Variants in RGS7BP observed in about 807,000 individuals in gnomAD.
The protein encoded by RGS7BP is regulator of G protein signaling 7-binding protein.
Under a neutral mutation model 31.3 loss-of-function variants are expected in RGS7BP, and 9 were observed. The ratio of observed to expected loss-of-function variants is 0.29; its 90% CI spans 0.17 to 0.50. The LOEUF (loss-of-function observed/expected upper bound fraction) is 0.50, where lower values mean the gene tolerates loss of function less well. Ranked by LOEUF, RGS7BP falls within the 20% of genes least tolerant of loss-of-function variation. RGS7BP has a pLI of 0.98. For missense variants in RGS7BP, 274 were observed against 322.0 expected (o/e 0.85, Z 1.14); for synonymous variants, 115 against 120.1 (o/e 0.96, Z 0.28).
At chr5:64,529,005 A>G (rs1200820014) in intron 2 of RGS7BP, among the ~76,000 whole-genome samples, 2 of 152,080 alleles carry the variant, frequency 1.3e-5, no homozygotes, top group African/African-American at 4.8e-5. Flanking sequence ...AACCAAAAAT[A>G]CTTGCGGCAT....
rs1250065124 is a variant in RGS7BP, at chr5:64,610,620, T to C, written c.*1368T>C. Reference sequence around the variant, plus strand: ...TAGTCCCAACCCTGTTCTTTACCAATACTTATGTGCACAGGCATTTATATG... The same window carrying C: ...TAGTCCCAACCCTGTTCTTTACCAACACTTATGTGCACAGGCATTTATATG... On this transcript the variant is annotated 3_prime_UTR_variant, in exon 6 of 6. Transcript: ENST00000334025. The C allele has an allele frequency of 6.6e-6, 1 of 151,986 alleles. No individual in the cohort carries two copies. The highest frequency in any genetic ancestry group is 1.5e-5 in the Non-Finnish European group (1 of 67,926). 9.4% of individuals were successfully genotyped at this position (151,986 alleles called of 1,614,324 possible).
At chr5:64,540,989 G>A (rs1237116357) in intron 2 of RGS7BP, among the ~76,000 whole-genome samples, 1 of 152,140 alleles carries the variant, frequency 6.6e-6, no homozygotes, top group Non-Finnish European at 1.5e-5. Flanking sequence ...TGGCATGAAC[G>A]CTTTGGTGGG....
At chr5:64,514,806 A>T (rs1172557312) in intron 2 of RGS7BP, among the ~76,000 whole-genome samples, 2 of 152,170 alleles carry the variant, frequency 1.3e-5, no homozygotes, top group Non-Finnish European at 2.9e-5. Context: ...GACCATAAGC[A>T]TACTCTGGAG....
At chr5:64,573,358 T>G (rs1283011062) in intron 2 of RGS7BP, among the ~76,000 whole-genome samples, 1 of 152,158 alleles carries the variant, frequency 6.6e-6, no homozygotes, top group Non-Finnish European at 1.5e-5. Flanking sequence ...TAGTCATTTG[T>G]TTAAATTACA....
intron 5 of RGS7BP, among the ~76,000 whole-genome samples, chr5:64,602,972 G>A (rs917595063): frequency 7.2e-5 from 11 of 152,176 alleles, no homozygotes; most frequent in African/African-American, 2.7e-4. Context: ...AGGCATATGG[G>A]GAGATGAAAT....
chr5:64,537,736 G>T (rs757370003), intron 2 of RGS7BP, among the ~76,000 whole-genome samples: 1 of 152,192 alleles, frequency 6.6e-6, no homozygotes, highest in Non-Finnish European at 1.5e-5. Context: ...CATGATTTTA[G>T]TGTTAGACTC....
In RGS7BP at chr5:64,601,494, G is replaced by A. The variant is rs138413102; in HGVS notation, c.682+3059G>A. On this transcript the variant is annotated intron_variant, in intron 5 of 5. Transcript: ENST00000334025. ...CCAAGGGCAGGAATTTTAATGGTTA[G>A]TGATTATGCCTTCATTTTCAGCCTT... The A allele has an allele frequency of 3.2e-3, 2,946 of 906,520 alleles. 7 individuals carry two copies. The highest frequency in any genetic ancestry group is 8.1e-3 in the Middle Eastern group (14 of 1,738). The allele number at this position is 906,520 out of a possible 1,614,324, so 56.2% of individuals were successfully genotyped here. A position where few individuals can be genotyped will look rare whatever the true frequency, so the allele number is the denominator to read the frequency against.
intron 2 of RGS7BP, among the ~76,000 whole-genome samples, chr5:64,519,030 T>C (rs754418668): frequency 3.3e-5 from 5 of 152,170 alleles, no homozygotes; most frequent in Non-Finnish European, 7.3e-5. Flanking sequence ...TGATCTGATT[T>C]GCATACATCT....
At chr5:64,595,100 C>T (rs1393461477) in intron 4 of RGS7BP, among the ~76,000 whole-genome samples, 1 of 152,174 alleles carries the variant, frequency 6.6e-6, no homozygotes, top group Admixed American at 6.5e-5. Flanking sequence ...ACAGTAGGCA[C>T]AGGCTCCCAG....
At chr5:64,589,924 CA>C (rs77321289) in intron 3 of RGS7BP, among the ~76,000 whole-genome samples, 25,506 of 104,234 alleles carry the variant, frequency 0.24, 2,120 homozygotes, top group Admixed American at 0.3. Flanking sequence ...GACCCTGACT[CA>C]AAAAAAAAAA....
At chr5:64,521,279 A>T (rs1749100670) in intron 2 of RGS7BP, among the ~76,000 whole-genome samples, 1 of 152,080 alleles carries the variant, frequency 6.6e-6, no homozygotes, top group Non-Finnish European at 1.5e-5. Context: ...ATTTTTTGAG[A>T]TGGAGTCTTG....
chr5:64,547,672 A>C (rs376309787), intron 2 of RGS7BP, among the ~76,000 whole-genome samples: 1 of 152,178 alleles, frequency 6.6e-6, no homozygotes, highest in East Asian at 1.9e-4. Flanking sequence ...AAATAGTCTC[A>C]CCCGTAATTT....
At chr5:64,607,592 T>C (rs1005670356) in intron 5 of RGS7BP, among the ~76,000 whole-genome samples, 1 of 151,994 alleles carries the variant, frequency 6.6e-6, no homozygotes, top group Non-Finnish European at 1.5e-5. Context: ...GATAGGGGGT[T>C]ATGGAGACCA....
rs1218091821 is a variant in RGS7BP at position 64,611,813 on chromosome 5, AAT to A, written c.*2562_*2563del. On this transcript the variant is annotated 3_prime_UTR_variant, in exon 6 of 6. Coordinates refer to ENST00000334025, the MANE Select transcript of RGS7BP (RefSeq NM_001029875.3). Reference sequence around the variant, plus strand: ...TTCACCGTCTCACATTAGACAGGCCAATGCATCCCTTAGGAGCTGCCCCACTC... The same window carrying A: ...TTCACCGTCTCACATTAGACAGGCCAGCATCCCTTAGGAGCTGCCCCACTC... 1 of 152,040 alleles carries A rather than the reference AAT, an allele frequency of 6.6e-6. No individual in the cohort carries two copies. The highest frequency in any genetic ancestry group is 1.5e-5 in the Non-Finnish European group (1 of 67,866). The allele number at this position is 152,040 out of a possible 1,614,324, so 9.4% of individuals were successfully genotyped here.
At chr5:64,512,835 A>C (rs1441303591) in intron 2 of RGS7BP, among the ~76,000 whole-genome samples, 1 of 151,128 alleles carries the variant, frequency 6.6e-6, no homozygotes, top group Non-Finnish European at 1.5e-5. Flanking sequence ...AATTATATGG[A>C]GATATGAAGA....
At position 64,583,114 on chromosome 5, in the gene RGS7BP, G is replaced by T. The variant is rs1312661835; in HGVS notation, c.463+7210G>T. Among the ~76,000 whole-genome samples, 3 of 152,286 alleles carry T rather than the reference G, an allele frequency of 2.0e-5. No individual in the cohort carries two copies. In the East Asian group the frequency reaches 5.8e-4, roughly 29 times the overall value. On this transcript the variant is annotated intron_variant, in intron 3 of 5. Transcript: ENST00000334025. ...TTAAGACTGAAGAGGTAGGCCAGGC[G>T]CAGTGGCTCACTCCTGTAATCCCAG... is the stretch of plus-strand genomic sequence containing the variant.
intron 2 of RGS7BP, among the ~76,000 whole-genome samples, chr5:64,574,630 C>T (rs948304674): frequency 6.6e-6 from 1 of 152,040 alleles, no homozygotes; most frequent in South Asian, 2.1e-4. Context: ...GTTATATAAG[C>T]CATATGGTTA....
intron 2 of RGS7BP, among the ~76,000 whole-genome samples, chr5:64,517,603 C>A (rs759767372): frequency 2.0e-5 from 3 of 152,190 alleles, no homozygotes; most frequent in Non-Finnish European, 2.9e-5. Flanking sequence ...CACTCCTCTG[C>A]ATGTCAAGGT....
intron 5 of RGS7BP, among the ~76,000 whole-genome samples, chr5:64,607,133 A>G (rs932632156): frequency 2.6e-5 from 4 of 152,132 alleles, no homozygotes; most frequent in African/African-American, 9.6e-5. Context: ...TAATTTACAA[A>G]TAAGTATGAC....
Sources: gnomAD v4.1 joint callset for allele counts (sites outside exome capture counted in the v4.1 genomes callset) on GRCh38, gnomAD v4.1.1 for gene constraint, MANE v1.5 for transcripts, NCBI Gene and HGNC (gene_info 2026-07-23, HGNC 2026-07-21) for gene names.